The following PARP16 variants were observed in gnomAD, a reference collection of about 807,000 sequenced individuals.
The protein encoded by PARP16 is poly(ADP-ribose) polymerase family member 16.
Under a neutral mutation model 35.0 loss-of-function variants are expected in PARP16, and 31 were observed. That is an observed-to-expected ratio of 0.88 (90% confidence interval 0.66 to 1.19). The LOEUF (loss-of-function observed/expected upper bound fraction) is 1.19. Ranked by LOEUF, PARP16 falls within the 50% of genes most tolerant of loss-of-function variation. The pLI is 0.00. For synonymous variants in PARP16, 162 were observed against 169.5 expected, an observed-to-expected ratio of 0.96 and a Z score of 0.34; for missense variants, 424 against 411.2, an observed-to-expected ratio of 1.03 and a Z score of -0.27.
At chr15:65,237,566 G>A (rs1289530450) in intron 3 of PARP16, among the ~76,000 whole-genome samples, 1 of 152,126 alleles carries the variant, frequency 6.6e-6, no homozygotes, top group African/African-American at 2.4e-5. Context: ...AGAGGAGGAA[G>A]TAGTGTGACC....
intron 1 of PARP16, among the ~76,000 whole-genome samples, chr15:65,276,506 T>G (rs1334925563): frequency 6.6e-6 from 1 of 152,054 alleles, no homozygotes; most frequent in East Asian, 1.9e-4. Flanking sequence ...CCAGAGTAGC[T>G]GGGACTAAAG....
At chr15:65,268,967 C>A (rs908334863) in intron 2 of PARP16, among the ~76,000 whole-genome samples, 1 of 152,082 alleles carries the variant, frequency 6.6e-6, no homozygotes, top group Admixed American at 6.6e-5. Context: ...TTTGGCCAGG[C>A]TGGTCTTGAA....
At chr15:65,250,153 T>C (rs184626984) in intron 2 of PARP16, among the ~76,000 whole-genome samples, 12 of 142,464 alleles carry the variant, frequency 8.4e-5, no homozygotes, top group South Asian at 2.3e-4. Flanking sequence ...AGTCTCTCTC[T>C]GTTATCCAGG....
chr15:65,261,463 T>C (rs1171738122), intron 4 of PARP16, among the ~76,000 whole-genome samples: 1 of 150,344 alleles, frequency 6.7e-6, no homozygotes, highest in Non-Finnish European at 1.5e-5. Flanking sequence ...GTTTTTTTTT[T>C]GTTTTTTTTG....
At chr15:65,273,773 G>A (rs892792214) in intron 1 of PARP16, among the ~76,000 whole-genome samples, 4 of 151,876 alleles carry the variant, frequency 2.6e-5, no homozygotes, top group African/African-American at 7.3e-5. Context: ...CTACTCGGGA[G>A]GCTGAGGCAG....
intron 3 of PARP16, chr15:65,247,997 G>T (rs1052649204): frequency 9.3e-5 from 32 of 343,908 alleles, no homozygotes; most frequent in Non-Finnish European, 1.4e-4. Flanking sequence ...GTAGAGGTGG[G>T]GTTTCACCGT....
chr15:65,261,906 G>A (rs984795945), intron 4 of PARP16, among the ~76,000 whole-genome samples: 3 of 152,176 alleles, frequency 2.0e-5, no homozygotes, highest in African/African-American at 7.2e-5. Flanking sequence ...AAACTAGGAA[G>A]ACGAAAGCTG....
At chr15:65,239,424 T>TA (rs758350761) in intron 3 of PARP16, among the ~76,000 whole-genome samples, 1,109 of 6,960 alleles carry the variant, frequency 0.16, 250 homozygotes, top group Non-Finnish European at 0.19. Context: ...AGACTTTGCC[T>TA]AAAAAAAAAA....
At chr15:65,268,856 G>A (rs1443229666) in intron 2 of PARP16, among the ~76,000 whole-genome samples, 1 of 152,126 alleles carries the variant, frequency 6.6e-6, no homozygotes, top group Non-Finnish European at 1.5e-5. Flanking sequence ...CCAGGTTCAA[G>A]CGATTCTCCT....
intron 1 of PARP16, among the ~76,000 whole-genome samples, chr15:65,274,465 T>A (rs1215200562): frequency 6.7e-6 from 1 of 150,116 alleles, no homozygotes; most frequent in Non-Finnish European, 1.5e-5. Context: ...TAGTCCCGGC[T>A]ACTTGGGCTG....
chr15:65,270,235 G>T (rs8024728), intron 2 of PARP16, among the ~76,000 whole-genome samples: 43,282 of 152,120 alleles, frequency 0.28, 6,402 homozygotes, highest in Admixed American at 0.33. Context: ...CTGTCCCTGG[G>T]AGACCCCAGC....
intron 1 of PARP16, among the ~76,000 whole-genome samples, chr15:65,279,362 T>C (rs2090352104): frequency 6.6e-6 from 1 of 152,180 alleles, no homozygotes; most frequent in Admixed American, 6.5e-5. Context: ...TCTCTGCTGC[T>C]CACCAATCTG....
chr15:65,282,967 C>T (rs1382656340), intron 1 of PARP16, among the ~76,000 whole-genome samples: 1 of 152,162 alleles, frequency 6.6e-6, no homozygotes, highest in Non-Finnish European at 1.5e-5. Flanking sequence ...TCAAACATTA[C>T]CTGCATAATT....
At chr15:65,277,151 C>A (rs1163678202) in intron 1 of PARP16, among the ~76,000 whole-genome samples, 1 of 152,144 alleles carries the variant, frequency 6.6e-6, no homozygotes, top group East Asian at 1.9e-4. Context: ...TCCCCACCCC[C>A]AATGCTATTC....
chr15:65,279,011 G>A (rs998284002), intron 1 of PARP16, among the ~76,000 whole-genome samples: 1 of 152,154 alleles, frequency 6.6e-6, no homozygotes, highest in Non-Finnish European at 1.5e-5. Context: ...AGTATGAAAG[G>A]CCAGATTTGC....
chr15:65,274,215 A>G (rs764105297), intron 1 of PARP16, among the ~76,000 whole-genome samples: 1 of 150,138 alleles, frequency 6.7e-6, no homozygotes, highest in Non-Finnish European at 1.5e-5. Context: ...AAGTGCTGTG[A>G]TTACAGGCAT....
chr15:65,260,830 A>C, intron 5 of PARP16, 55 bp downstream of exon 5: 1 of 1,572,850 alleles, frequency 6.4e-7, no homozygotes, highest in South Asian at 1.1e-5. Context: ...TACCTACAAC[A>C]ACTAAGAAAG....
chr15:65,238,138 T>A (rs1007041281), intron 3 of PARP16, among the ~76,000 whole-genome samples: 1 of 151,810 alleles, frequency 6.6e-6, no homozygotes, highest in Non-Finnish European at 1.5e-5. Context: ...ATACAAAAAA[T>A]TTATCAGGGC....
chr15:65,271,481 G>A (rs550011438), intron 1 of PARP16, among the ~76,000 whole-genome samples: 1 of 152,124 alleles, frequency 6.6e-6, no homozygotes, highest in East Asian at 1.9e-4. Flanking sequence ...CACCATGTTG[G>A]CCAGCCTGGT....
Sources: allele counts gnomAD v4.1 joint callset (sites outside exome capture counted in the v4.1 genomes callset), GRCh38; gene constraint gnomAD v4.1.1; transcripts MANE v1.5; gene names NCBI Gene and HGNC (gene_info 2026-07-23, HGNC 2026-07-21).